STK31: variants seen among roughly 807,000 people sequenced by gnomAD.
STK31 encodes the protein serine/threonine kinase 31.
In STK31, 89 loss-of-function variants were observed where a neutral mutation model predicts 129.7. That is an observed-to-expected ratio of 0.69 (90% CI 0.58 to 0.82). The LOEUF is 0.82. Ranked by LOEUF, STK31 falls within the 40% of genes least tolerant of loss-of-function variation. The probability of loss-of-function intolerance (pLI) is 0.00; values close to 1 mark genes in which losing one functional copy is unlikely to be tolerated. For missense variants in STK31, 1,187 were observed against 1,176.4 expected (o/e 1.01, Z -0.13); for synonymous variants, 448 against 395.3 (o/e 1.13, Z -1.58).
intron 4 of STK31, among the ~76,000 whole-genome samples, chr7:23,718,184 A>G (rs1247030089): frequency 6.6e-6 from 1 of 152,214 alleles, no homozygotes; most frequent in Admixed American, 6.5e-5. Flanking sequence ...AAAAGTGAAG[A>G]AAACGTATGT....
intron 22 of STK31, among the ~76,000 whole-genome samples, chr7:23,798,705 T>A (rs1435770024): frequency 6.6e-6 from 1 of 152,148 alleles, no homozygotes. Flanking sequence ...AGGGATGCCC[T>A]CTCTCACCAC....
chr7:23,788,247 T>C, intron 21 of STK31, 118 bp downstream of exon 21: 1 of 910,256 alleles, frequency 1.1e-6, no homozygotes, highest in Non-Finnish European at 1.5e-6. Flanking sequence ...TCAGTTAAAC[T>C]GTGTCATGTA....
intron 4 of STK31, among the ~76,000 whole-genome samples, chr7:23,723,673 C>G (rs1562549128): frequency 6.6e-6 from 1 of 152,098 alleles, no homozygotes; most frequent in Non-Finnish European, 1.5e-5. Flanking sequence ...GGGTCATAGG[C>G]TATGAATAGT....
At chr7:23,728,137 T>G (rs1473942769) in intron 5 of STK31, among the ~76,000 whole-genome samples, 1 of 145,344 alleles carries the variant, frequency 6.9e-6, no homozygotes, top group African/African-American at 2.6e-5. Context: ...TAAGAGGATT[T>G]AGGGAGACAG....
Position 23,825,809 on chromosome 7 carries a change from C to G in STK31, c.2830-6327C>G, listed in dbSNP as rs559275549. 5.3e-5 allele frequency among the ~76,000 whole-genome samples: 8 copies of G among 152,186 alleles called. No homozygotes were observed. In the East Asian group the frequency reaches 1.4e-3, roughly 26 times the overall value. ...TTCTGGTATGTTGTGTCTTTGTTCT[C>G]GTTGGTTTCAAAGAACATCTTTATT... is the stretch of plus-strand genomic sequence containing the variant. On this transcript the variant is annotated intron_variant, in intron 23 of 23. Coordinates refer to ENST00000355870, the MANE Select transcript of STK31 (RefSeq NM_031414.5).
chr7:23,734,668 G>A (rs1787614079), intron 6 of STK31, among the ~76,000 whole-genome samples: 1 of 152,138 alleles, frequency 6.6e-6, no homozygotes, highest in South Asian at 2.1e-4. Flanking sequence ...ATTTAAGAGA[G>A]TTTTGAATGT....
intron 8 of STK31, among the ~76,000 whole-genome samples, chr7:23,751,048 C>T (rs1788679797): frequency 6.6e-6 from 1 of 152,194 alleles, no homozygotes; most frequent in Admixed American, 6.5e-5. Context: ...TTCCTAGCCT[C>T]TGGTATCTAT....
chr7:23,828,488 C>A (rs1387072440), intron 23 of STK31, among the ~76,000 whole-genome samples: 1 of 152,244 alleles, frequency 6.6e-6, no homozygotes, highest in East Asian at 1.9e-4. Flanking sequence ...CAGGTGCCAT[C>A]TGTCGCCCCT....
At chr7:23,715,462 A>AT (rs1309746526) in intron 3 of STK31, among the ~76,000 whole-genome samples, 2 of 151,896 alleles carry the variant, frequency 1.3e-5, no homozygotes, top group Non-Finnish European at 2.9e-5. Context: ...CAAAAAAAAA[A>AT]AAAAAAATTA....
chr7:23,818,956 A>G (rs1270775503), intron 23 of STK31, among the ~76,000 whole-genome samples: 1 of 152,140 alleles, frequency 6.6e-6, no homozygotes, highest in Admixed American at 6.5e-5. Flanking sequence ...TTTCATGGCT[A>G]TTCTTGGTTG....
At chr7:23,731,731 T>G (rs1325321499) in intron 6 of STK31, among the ~76,000 whole-genome samples, 1 of 152,198 alleles carries the variant, frequency 6.6e-6, no homozygotes, top group Non-Finnish European at 1.5e-5. Context: ...AATATTACAT[T>G]ACTAGTCCTA....
chr7:23,739,353 C>T (rs1447635092), intron 8 of STK31, among the ~76,000 whole-genome samples: 2 of 151,998 alleles, frequency 1.3e-5, no homozygotes, highest in Admixed American at 1.3e-4. Flanking sequence ...TTTTAAGTTC[C>T]TTGTAGATTC....
intron 22 of STK31, among the ~76,000 whole-genome samples, chr7:23,792,733 C>T (rs963895962): frequency 6.6e-6 from 1 of 152,076 alleles, no homozygotes; most frequent in Non-Finnish European, 1.5e-5. Flanking sequence ...GAAATTAAGA[C>T]AATGTAGGCC....
At position 23,718,426 on chromosome 7, in the gene STK31, C is replaced by G. The variant is rs548409581; in HGVS notation, c.249+847C>G. ...GGTGAGTTTTTACGTGTGTATGTAT[C>G]CATGTAACCACCATCCAGATCAACA... On this transcript the variant is annotated intron_variant, in intron 4 of 23. Coordinates refer to ENST00000355870, the MANE Select transcript of STK31 (RefSeq NM_031414.5). Among the ~76,000 whole-genome samples, 26 of 152,120 alleles carry G rather than the reference C, an allele frequency of 1.7e-4. No homozygotes were observed. The South Asian group carries it at 5.4e-3, about 32-fold the overall frequency.
At chr7:23,784,542 T>G (rs1028193450) in intron 17 of STK31, among the ~76,000 whole-genome samples, 4 of 152,164 alleles carry the variant, frequency 2.6e-5, no homozygotes, top group Non-Finnish European at 5.9e-5. Flanking sequence ...GCTAATCTAC[T>G]TTATTATGGA....
At chr7:23,743,344 A>C (rs1221843992) in intron 8 of STK31, among the ~76,000 whole-genome samples, 1 of 152,176 alleles carries the variant, frequency 6.6e-6, no homozygotes, top group East Asian at 1.9e-4. Context: ...GTGCTGATGA[A>C]TTCCCTCAGC....
intron 22 of STK31, among the ~76,000 whole-genome samples, chr7:23,805,846 T>G (rs953800346): frequency 5.3e-5 from 8 of 152,210 alleles, no homozygotes; most frequent in Admixed American, 5.2e-4. Context: ...ACATCCTCCC[T>G]TGGTGAGAGC....
chr7:23,813,586 C>T (rs1793281965), intron 22 of STK31, among the ~76,000 whole-genome samples: 1 of 152,134 alleles, frequency 6.6e-6, no homozygotes, highest in Non-Finnish European at 1.5e-5. Flanking sequence ...TAACGACAAT[C>T]TAATTTTCAG....
chr7:23,808,943 T>TTATGTGTGTG lies in STK31; in HGVS notation c.2761-6200_2761-6199insATGTGTGTGT, dbSNP rs71552258. Among the ~76,000 whole-genome samples, 206 of 84,530 alleles carry TTATGTGTGTG rather than the reference T, an allele frequency of 2.4e-3. 3 individuals carry two copies. Among genetic ancestry groups the TTATGTGTGTG allele is most frequent in the African/African-American group, 6.6e-3 (187 of 28,314 alleles). 55.5% of individuals were successfully genotyped at this position (84,530 alleles called of 152,430 possible). A position where few individuals can be genotyped will look rare whatever the true frequency, so the allele number is the denominator to read the frequency against. On this transcript the variant is annotated intron_variant, in intron 22 of 23. Transcript: ENST00000355870. ...AGGAAGCAGGCTTTTCTTGGAGCTT[T>TTATGTGTGTG]TGTGTGTGTGTGTGTGTGTGTGTGT...
Sources: gnomAD v4.1 joint callset for allele counts (sites outside exome capture counted in the v4.1 genomes callset) on GRCh38, gnomAD v4.1.1 for gene constraint, MANE v1.5 for transcripts, NCBI Gene and HGNC (gene_info 2026-07-23, HGNC 2026-07-21) for gene names.